Variants in SLC24A3 observed in about 807,000 individuals in gnomAD.
SLC24A3 encodes sodium/potassium/calcium exchanger 3.
SLC24A3 carries 28 observed loss-of-function variants against 75.8 expected under a neutral mutation model. The ratio of observed to expected loss-of-function variants is 0.37; its 90% CI spans 0.27 to 0.51. SLC24A3 has a LOEUF of 0.51. SLC24A3 is among the 20% of genes least tolerant of loss of function. The probability of loss-of-function intolerance (pLI) is 0.94; values close to 1 mark genes in which losing one functional copy is unlikely to be tolerated. For missense variants in SLC24A3, 663 were observed against 847.8 expected (o/e 0.78, Z 2.71); for synonymous variants, 372 against 334.1 (o/e 1.11, Z -1.24).
At chr20:19,234,752 G>A (rs929250226) in intron 1 of SLC24A3, among the ~76,000 whole-genome samples, 34 of 152,172 alleles carry the variant, frequency 2.2e-4, no homozygotes, top group African/African-American at 8.2e-4. Flanking sequence ...TATTTCTAAA[G>A]GGTCTGGGAA....
chr20:19,255,149 C>T (rs910524305), intron 1 of SLC24A3, among the ~76,000 whole-genome samples: 6 of 152,194 alleles, frequency 3.9e-5, no homozygotes, highest in Admixed American at 3.3e-4. Flanking sequence ...TCTACCCAGG[C>T]GTGTTTGTAC....
chr20:19,513,739 A>T (rs767407894), intron 2 of SLC24A3, among the ~76,000 whole-genome samples: 2 of 51,530 alleles, frequency 3.9e-5, no homozygotes, highest in African/African-American at 9.2e-5. Context: ...TTTTTTTTAG[A>T]AAAAAAAAAA....
At chr20:19,720,512 G>T (rs2033093129) in intron 16 of SLC24A3, among the ~76,000 whole-genome samples, 1 of 150,166 alleles carries the variant, frequency 6.7e-6, no homozygotes, top group Non-Finnish European at 1.5e-5. Context: ...AAGGAAAATG[G>T]TCTGGAAGCA....
chr20:19,231,938 A>C (rs1352439107), intron 1 of SLC24A3, among the ~76,000 whole-genome samples: 2 of 152,206 alleles, frequency 1.3e-5, no homozygotes, highest in Non-Finnish European at 2.9e-5. Context: ...CCTAGCTAGA[A>C]TGTCAGCTCC....
At chr20:19,267,557 T>C (rs889378216) in intron 1 of SLC24A3, among the ~76,000 whole-genome samples, 1 of 152,222 alleles carries the variant, frequency 6.6e-6, no homozygotes, top group Non-Finnish European at 1.5e-5. Flanking sequence ...ATTTCAATTT[T>C]CTAATAAAAG....
intron 1 of SLC24A3, among the ~76,000 whole-genome samples, chr20:19,272,783 G>T (rs902589148): frequency 6.6e-6 from 1 of 152,164 alleles, no homozygotes; most frequent in Admixed American, 6.5e-5. Flanking sequence ...TGAAGTGCTG[G>T]GACACAATGG....
intron 2 of SLC24A3, among the ~76,000 whole-genome samples, chr20:19,507,222 C>G (rs1988473687): frequency 1.3e-5 from 2 of 152,210 alleles, no homozygotes; most frequent in South Asian, 4.1e-4. Context: ...ACCAGGGCTA[C>G]AGAGAAGAAT....
At chr20:19,648,374 TAAC>T (rs759776316) in intron 6 of SLC24A3, among the ~76,000 whole-genome samples, 8 of 152,212 alleles carry the variant, frequency 5.3e-5, no homozygotes, top group African/African-American at 1.9e-4. Flanking sequence ...TTGTGTGAAA[TAAC>T]AACATTTCTC....
rs566398421 is a variant in SLC24A3, at chr20:19,325,719, T to C, written c.271+44632T>C. Among the ~76,000 whole-genome samples the C allele has an allele frequency of 2.9e-3, 365 of 125,706 alleles. 4 individuals carry two copies. The highest frequency in any genetic ancestry group is 0.011 in the African/African-American group (336 of 29,312). The allele number at this position is 125,706 out of a possible 152,430, so 82.5% of individuals were successfully genotyped here. ...TTGGATTTTGGAATATTTGCAAATA[T>C]GCATATATATATATGTGTGTGTGTG... is the stretch of plus-strand genomic sequence containing the variant. On this transcript the variant is annotated intron_variant, in intron 2 of 16. Coordinates refer to ENST00000328041, the MANE Select transcript of SLC24A3 (RefSeq NM_020689.4).
intron 6 of SLC24A3, among the ~76,000 whole-genome samples, chr20:19,597,499 G>A (rs923330199): frequency 5.9e-5 from 9 of 152,086 alleles, no homozygotes; most frequent in Non-Finnish European, 2.9e-5. Flanking sequence ...TACATGCATA[G>A]AATATATAAT....
At position 19,487,053 on chromosome 20, in the gene SLC24A3, T is replaced by C. The variant is rs375544856; in HGVS notation, c.272-28435T>C. Among the ~76,000 whole-genome samples, 14 of 152,322 alleles carry C rather than the reference T, an allele frequency of 9.2e-5. No individual in the cohort carries two copies. In the East Asian group the frequency reaches 2.5e-3, roughly 27 times the overall value. On this transcript the variant is annotated intron_variant, in intron 2 of 16. Coordinates refer to ENST00000328041, the MANE Select transcript of SLC24A3 (RefSeq NM_020689.4). ...CACAGTTATTTAAATGCCTTAAACC[T>C]CAGCCTGTTTGTTTATAAAGTGGGG... is the stretch of plus-strand genomic sequence containing the variant.
intron 2 of SLC24A3, among the ~76,000 whole-genome samples, chr20:19,453,296 A>G (rs1478455675): frequency 1.3e-5 from 2 of 152,098 alleles, no homozygotes; most frequent in Non-Finnish European, 2.9e-5. Context: ...GCTACAGTAA[A>G]CTATGATCAT....
At chr20:19,598,893 T>C (rs935279880) in intron 6 of SLC24A3, among the ~76,000 whole-genome samples, 1 of 134,396 alleles carries the variant, frequency 7.4e-6, no homozygotes, top group African/African-American at 2.8e-5. Flanking sequence ...TTTAAATATA[T>C]ATATATGTAT....
chr20:19,673,729 T>C (rs868259453), intron 9 of SLC24A3, 75 bp downstream of exon 9: 19 of 1,297,156 alleles, frequency 1.5e-5, no homozygotes, highest in Middle Eastern at 1.8e-4. Context: ...GGGAAGAGGA[T>C]TGGGGTGGGT....
At chr20:19,270,023 C>G (rs910945958) in intron 1 of SLC24A3, among the ~76,000 whole-genome samples, 13 of 152,294 alleles carry the variant, frequency 8.5e-5, no homozygotes, top group Admixed American at 5.9e-4. Flanking sequence ...CCAACGGCAC[C>G]CATTTCATTG....
chr20:19,430,416 G>T (rs1219341323), intron 2 of SLC24A3, among the ~76,000 whole-genome samples: 1 of 152,084 alleles, frequency 6.6e-6, no homozygotes, highest in Admixed American at 6.5e-5. Context: ...AGGGAAGTTG[G>T]GTGAGGAAGA....
intron 2 of SLC24A3, among the ~76,000 whole-genome samples, chr20:19,479,882 C>G (rs1049876150): frequency 6.6e-6 from 1 of 152,222 alleles, no homozygotes; most frequent in African/African-American, 2.4e-5. Context: ...CAGCTACACT[C>G]AGGTTTTGAG....
intron 6 of SLC24A3, among the ~76,000 whole-genome samples, chr20:19,592,175 G>GTGC (rs1178707713): frequency 6.6e-6 from 1 of 152,154 alleles, no homozygotes; most frequent in Non-Finnish European, 1.5e-5. Flanking sequence ...CGAGTGGCAC[G>GTGC]TCACTGTGGT....
intron 6 of SLC24A3, among the ~76,000 whole-genome samples, chr20:19,620,479 A>G (rs1020118163): frequency 1.3e-5 from 2 of 152,192 alleles, no homozygotes; most frequent in Admixed American, 6.5e-5. Context: ...TGAAAGAGGA[A>G]GAAATGACCT....
Sources: gnomAD v4.1 joint callset for allele counts (sites outside exome capture counted in the v4.1 genomes callset) on GRCh38, gnomAD v4.1.1 for gene constraint, MANE v1.5 for transcripts, NCBI Gene and HGNC (gene_info 2026-07-23, HGNC 2026-07-21) for gene names.